The following ADGRD1 variants were observed in gnomAD, a reference collection of about 807,000 sequenced individuals.
ADGRD1 encodes adhesion G protein-coupled receptor D1, also known as G-protein coupled receptor 133.
A neutral mutation model predicts 113.4 loss-of-function variants in ADGRD1; 77 were observed. The ratio of observed to expected loss-of-function variants is 0.68; its 90% CI spans 0.57 to 0.82. The LOEUF is 0.82. Among genes scored for constraint, ADGRD1 ranks in the 40% least tolerant of loss-of-function variants. The pLI is 0.00. For synonymous variants in ADGRD1, 474 were observed against 475.0 expected, an observed-to-expected ratio of 1.00 and a Z score of 0.03; for missense variants, 1,036 against 1,139.1, an observed-to-expected ratio of 0.91 and a Z score of 1.30.
chr12:131,129,959 G>A (rs1164402371), intron 20 of ADGRD1, among the ~76,000 whole-genome samples: 2 of 152,264 alleles, frequency 1.3e-5, no homozygotes, highest in East Asian at 1.9e-4. Context: ...GTGACCATCA[G>A]CCATCTGCAA....
intron 13 of ADGRD1, among the ~76,000 whole-genome samples, chr12:131,045,177 C>A (rs983061472): frequency 6.6e-6 from 1 of 152,224 alleles, no homozygotes; most frequent in Admixed American, 6.5e-5. Flanking sequence ...TCCGGGAGAG[C>A]GTGGATGAGC....
intron 23 of ADGRD1, 98 bp from the exon 24 acceptor site, chr12:131,138,039 C>A: frequency 1.1e-6 from 1 of 935,334 alleles, no homozygotes; most frequent in Non-Finnish European, 1.7e-6. Flanking sequence ...CAACCTCCCT[C>A]GCACATCTGG....
chr12:131,009,651 TTGTG>T (rs779978430), intron 12 of ADGRD1, among the ~76,000 whole-genome samples: 8 of 152,222 alleles, frequency 5.3e-5, no homozygotes, highest in Non-Finnish European at 1.0e-4. Flanking sequence ...TATTTGTGTG[TTGTG>T]TGTGTGCACA....
At chr12:131,074,387 G>GCTT (rs1381877558) in intron 13 of ADGRD1, among the ~76,000 whole-genome samples, 1 of 152,212 alleles carries the variant, frequency 6.6e-6, no homozygotes, top group African/African-American at 2.4e-5. Context: ...TGAGGTTTCA[G>GCTT]GAGGACGCTC....
At position 131,113,350 on chromosome 12, in the gene ADGRD1, G is replaced by C. The variant is rs1324568394; in HGVS notation, c.2041+4473G>C. On this transcript the variant is annotated intron_variant, in intron 18 of 24. Coordinates refer to ENST00000261654, the MANE Select transcript of ADGRD1 (RefSeq NM_198827.5). This position sits in a 1 kb window ranked among gnomAD's most constrained non-coding sequence, Gnocchi z 4.9. Reference sequence around the variant, plus strand: ...TCATTCTAGAAGTCAGCTCCCCAGTGATGTGGCTTCTTTGCTGAGCTTTGC... The same window carrying C: ...TCATTCTAGAAGTCAGCTCCCCAGTCATGTGGCTTCTTTGCTGAGCTTTGC... 1.3e-5 allele frequency among the ~76,000 whole-genome samples: 2 copies of C among 152,094 alleles called. No individual in the cohort carries two copies. The highest frequency in any genetic ancestry group is 2.9e-5 in the Non-Finnish European group (2 of 68,030).
intron 11 of ADGRD1, among the ~76,000 whole-genome samples, chr12:131,004,716 G>T (rs1876870987): frequency 6.6e-6 from 1 of 152,202 alleles, no homozygotes; most frequent in South Asian, 2.1e-4. Flanking sequence ...TCCTGCTCAG[G>T]TAGCTGTGGG....
chr12:131,033,804 T>C (rs1593083129), intron 13 of ADGRD1, among the ~76,000 whole-genome samples: 1 of 152,112 alleles, frequency 6.6e-6, no homozygotes, highest in African/African-American at 2.4e-5. Context: ...CTGCGTCTGC[T>C]AGGGGGAAGC....
At chr12:130,977,651 G>C (rs1272162273) in intron 4 of ADGRD1, 3 of 152,402 alleles carry the variant, frequency 2.0e-5, no homozygotes, top group Non-Finnish European at 4.4e-5. Flanking sequence ...CCGCTCAGAA[G>C]CTCCAAGTTC....
chr12:131,138,824 G>T (rs748109857), intron 24 of ADGRD1, among the ~76,000 whole-genome samples: 35 of 152,230 alleles, frequency 2.3e-4, no homozygotes, highest in Non-Finnish European at 4.0e-4. Context: ...TGTGTGGCAC[G>T]CTCCATGAGT....
At chr12:131,091,832 TAA>T (rs1474592226) in intron 15 of ADGRD1, 3 of 152,200 alleles carry the variant, frequency 2.0e-5, no homozygotes, top group East Asian at 3.9e-4. Context: ...ATCAAATGAG[TAA>T]AGTCAGCCTG....
chr12:131,093,936 C>G (rs911116052), intron 15 of ADGRD1, among the ~76,000 whole-genome samples: 2 of 85,992 alleles, frequency 2.3e-5, no homozygotes, highest in Non-Finnish European at 5.2e-5. Flanking sequence ...GGCCCAAGCA[C>G]CCAGCCTCAG....
intron 4 of ADGRD1, among the ~76,000 whole-genome samples, chr12:130,980,483 T>C (rs1872833332): frequency 2.0e-5 from 3 of 151,834 alleles, no homozygotes; most frequent in Admixed American, 2.0e-4. Context: ...CTGCAACCTC[T>C]GCCTCCGTGG....
chr12:131,090,642 C>T (rs1315503987), intron 15 of ADGRD1, among the ~76,000 whole-genome samples: 2 of 152,192 alleles, frequency 1.3e-5, no homozygotes, highest in Non-Finnish European at 2.9e-5. Flanking sequence ...GACCCCAAAA[C>T]GACACTCTGT....
chr12:131,124,235 C>T (rs1196204756), intron 20 of ADGRD1, among the ~76,000 whole-genome samples: 1 of 152,162 alleles, frequency 6.6e-6, no homozygotes, highest in Admixed American at 6.5e-5. Context: ...ATGAAGAAAG[C>T]AGGTTTTGGG....
chr12:131,131,147 G>A (rs1279532793), intron 20 of ADGRD1, among the ~76,000 whole-genome samples: 2 of 152,182 alleles, frequency 1.3e-5, no homozygotes, highest in Non-Finnish European at 2.9e-5. Context: ...CTCTGCCGGG[G>A]CCCCTCAGTG....
intron 2 of ADGRD1, among the ~76,000 whole-genome samples, chr12:130,960,295 C>T (rs963424283): frequency 9.2e-5 from 14 of 152,108 alleles, no homozygotes; most frequent in Non-Finnish European, 1.6e-4. Context: ...TCACTTCACC[C>T]GCTCTATTTA....
At chr12:131,132,444 G>A (rs1473427395) in intron 21 of ADGRD1, among the ~76,000 whole-genome samples, 2 of 152,236 alleles carry the variant, frequency 1.3e-5, no homozygotes, top group Non-Finnish European at 2.9e-5. Context: ...GGCCTAAGCA[G>A]AAGGGGGACT....
chr12:131,023,762 C>T (rs564807623), intron 13 of ADGRD1: 1 of 152,264 alleles, frequency 6.6e-6, no homozygotes, highest in South Asian at 2.1e-4. Context: ...CAGCAAATGA[C>T]CCTGTGAACC....
In ADGRD1 at chr12:131,009,122, G is replaced by A. The variant is rs192055062; in HGVS notation, c.1331+3075G>A. 5.3e-5 allele frequency among the ~76,000 whole-genome samples: 8 copies of A among 152,298 alleles called. No individual in the cohort carries two copies. The South Asian group carries it at 6.2e-4, about 12-fold the overall frequency. On this transcript the variant is annotated intron_variant, in intron 12 of 24. Coordinates refer to ENST00000261654, the MANE Select transcript of ADGRD1 (RefSeq NM_198827.5). ...CTGGTGATGGGGATGTCTGCCGCAC[G>A]CCTGCAGCCAGGTGGCCACACTCAA...
Sources: allele counts gnomAD v4.1 joint callset (sites outside exome capture counted in the v4.1 genomes callset), GRCh38; gene constraint gnomAD v4.1.1; non-coding constraint Gnocchi (gnomAD v3.1); transcripts MANE v1.5; gene names NCBI Gene and HGNC (gene_info 2026-07-23, HGNC 2026-07-21).